Variants in ADGRE1 observed in about 807,000 individuals in gnomAD.
ADGRE1 encodes adhesion G protein-coupled receptor E1.
Under a neutral mutation model 102.7 loss-of-function variants are expected in ADGRE1, and 82 were observed. The ratio of observed to expected loss-of-function variants is 0.80; its 90% CI spans 0.67 to 0.96. ADGRE1 has a LOEUF of 0.96. Among genes scored for constraint, ADGRE1 ranks in the 40% least tolerant of loss-of-function variants. ADGRE1 has a pLI of 0.00. For synonymous variants in ADGRE1, 398 were observed against 399.6 expected, an observed-to-expected ratio of 1.00 and a Z score of 0.05; for missense variants, 1,032 against 1,085.3, an observed-to-expected ratio of 0.95 and a Z score of 0.69.
chr19:6,903,742 G>T lies in ADGRE1; in HGVS notation c.662-68G>T, dbSNP rs1025789317. 80 of 1,590,630 alleles carry T rather than the reference G, an allele frequency of 5.0e-5. No homozygotes were observed. In the African/African-American group the frequency reaches 6.8e-4, roughly 14 times the overall value. On this transcript the variant is annotated intron_variant, in intron 6 of 20. Coordinates refer to ENST00000312053, the MANE Select transcript of ADGRE1 (RefSeq NM_001974.5). ...CTAGTGAAACATGACTCCATATTTT[G>T]CAAAGGGAAGCATGATTTTGTTGGC...
Position 6,919,696 on chromosome 19 carries a change from G to C in ADGRE1, c.1569G>C (p.Glu523Asp). Residue 523 changes from glutamate (E) to aspartate (D), a missense_variant, in exon 13 of 21, where the codon GAG becomes GAC. Glu to Asp is a conservative substitution (Grantham distance 45). Transcript: ENST00000312053. ...SRVVGGIMTG[E>D]KKDGFSDPII... The stretch of plus-strand genomic sequence containing the variant: ...TCGTTGGGGGCATAATGACTGGAGA[G>C]AAGAAAGACGGCTTCTCAGATCCAA... 6.2e-7 allele frequency: 1 copy of C among 1,613,538 alleles called. No individual in the cohort carries two copies. The highest frequency in any genetic ancestry group is 1.3e-5 in the African/African-American group (1 of 74,886).
At chr19:6,898,396 G>C (rs2144897776) in intron 5 of ADGRE1, 1 of 1,602,144 alleles carries the variant, frequency 6.2e-7, no homozygotes, top group Non-Finnish European at 8.6e-7. Context: ...CAGCTGTTTA[G>C]ATGGTTTCTC....
chr19:6,938,263 A>T (rs1003162168), intron 20 of ADGRE1, among the ~76,000 whole-genome samples: 14 of 152,040 alleles, frequency 9.2e-5, no homozygotes, highest in Admixed American at 5.9e-4. Flanking sequence ...CTTGAACCCA[A>T]GAGGCGGAGG....
rs372283170 is a variant in ADGRE1, at chr19:6,896,383, T to G, written c.95-15T>G. On this transcript the variant is annotated splice_polypyrimidine_tract_variant and intron_variant, in intron 2 of 20. Transcript: ENST00000312053. ...GCTCTAATCTTGTCTAAACTTTTCT[T>G]TATACACTGCCTAGGTAATAACTGT... 5.0e-6 allele frequency: 8 copies of G among 1,612,502 alleles called. No individual in the cohort carries two copies. In the African/African-American group the frequency reaches 5.3e-5, roughly 11 times the overall value.
intron 13 of ADGRE1, among the ~76,000 whole-genome samples, chr19:6,921,459 A>G (rs1479982420): frequency 6.6e-6 from 1 of 152,190 alleles, no homozygotes; most frequent in Admixed American, 6.5e-5. Context: ...TGAATAAGTG[A>G]ATAATGAGTG....
rs781288267 is a variant in ADGRE1 at position 6,919,712 on chromosome 19, T to C, written c.1585T>C (p.Ser529Pro). The C allele has an allele frequency of 1.2e-6, 2 of 1,612,982 alleles. No homozygotes were observed. Among genetic ancestry groups the C allele is most frequent in the African/African-American group, 2.7e-5 (2 of 74,624 alleles). The change falls in exon 13 of 21, where the codon TCA (serine) becomes CCA (proline). Residue 529 changes from serine (S) to proline (P), a missense_variant. Physicochemically the swap from Ser to Pro is moderately conservative, Grantham distance 74. Coordinates refer to ENST00000312053, the MANE Select transcript of ADGRE1 (RefSeq NM_001974.5). ...IMTGEKKDGF[S>P]DPIIYTLENI... ...GACTGGAGAGAAGAAAGACGGCTTC[T>C]CAGATCCAATCATCTACACTCTGGA...
intron 11 of ADGRE1, among the ~76,000 whole-genome samples, chr19:6,915,600 A>G (rs1974343461): frequency 6.6e-6 from 1 of 152,008 alleles, no homozygotes; most frequent in Admixed American, 6.6e-5. Flanking sequence ...GCTTGCCCCA[A>G]TCCCTTACTA....
intron 17 of ADGRE1, among the ~76,000 whole-genome samples, chr19:6,929,121 G>T (rs971928513): frequency 6.6e-6 from 1 of 152,182 alleles, no homozygotes; most frequent in Admixed American, 6.6e-5. Context: ...CAGTGTCATT[G>T]TCTGGGGGTA....
At position 6,926,620 on chromosome 19, in the gene ADGRE1, C is replaced by G; in HGVS notation, c.2222+19C>G. On this transcript the variant is annotated intron_variant, in intron 16 of 20. Coordinates refer to ENST00000312053, the MANE Select transcript of ADGRE1 (RefSeq NM_001974.5). ...ATAATCGGTGAGTGACATCCTCTCTCTTCCTGAAGACCCTGCTGCCAGGGC... is the reference window on the plus strand; with the variant it reads ...ATAATCGGTGAGTGACATCCTCTCTGTTCCTGAAGACCCTGCTGCCAGGGC... 2 of 1,612,374 alleles carry G rather than the reference C, an allele frequency of 1.2e-6. No homozygotes were observed. The highest frequency in any genetic ancestry group is 1.1e-5 in the South Asian group (1 of 90,998).
intron 1 of ADGRE1, among the ~76,000 whole-genome samples, 172 bp from the exon 2 acceptor site, chr19:6,890,309 G>A (rs1369267304): frequency 6.6e-6 from 1 of 151,888 alleles, no homozygotes; most frequent in Admixed American, 6.6e-5. Flanking sequence ...TCATTGTTAA[G>A]CTTATGCAAA....
intron 12 of ADGRE1, among the ~76,000 whole-genome samples, chr19:6,919,009 G>A (rs1032419224): frequency 6.6e-6 from 1 of 151,854 alleles, no homozygotes; most frequent in African/African-American, 2.4e-5. Context: ...ACAGGCGTGA[G>A]CCACTCTGCC....
intron 8 of ADGRE1, among the ~76,000 whole-genome samples, chr19:6,904,497 C>A (rs1024041089): frequency 6.6e-6 from 1 of 151,130 alleles, no homozygotes; most frequent in South Asian, 2.1e-4. Context: ...TTAATTATAA[C>A]TATGAATGAA....
intron 10 of ADGRE1, 131 bp downstream of exon 10, chr19:6,908,903 T>A: frequency 2.7e-6 from 2 of 753,598 alleles, no homozygotes; most frequent in Non-Finnish European, 4.2e-6. Flanking sequence ...GGAGATTGAG[T>A]CAGATGAATC....
chr19:6,937,484 C>T (rs2145042747), intron 19 of ADGRE1, 60 bp from the exon 20 acceptor site: 1 of 1,601,140 alleles, frequency 6.2e-7, no homozygotes, highest in Non-Finnish European at 8.5e-7. Context: ...CATCCCTCCA[C>T]CCAACATCCC....
In ADGRE1 at chr19:6,924,688, C is replaced by A. The variant is rs754015513; in HGVS notation, c.1802C>A (p.Ser601Tyr). The part of the protein sequence containing the change: ...MASGELTMDF[S>Y]LYIISHVGII... Reference sequence around the variant, plus strand: ...ATTCCTTCCTGACAGATGGACTTTTCCTTGTACATCATTAGCCATGTAGGC... The same window carrying A: ...ATTCCTTCCTGACAGATGGACTTTTACTTGTACATCATTAGCCATGTAGGC... Residue 601 changes from serine (S) to tyrosine (Y), a missense_variant, in exon 15 of 21, where the codon TCC becomes TAC. Ser to Tyr is a moderately radical substitution (Grantham distance 144, BLOSUM62 -2). Transcript: ENST00000312053. The A allele has an allele frequency of 6.2e-7, 1 of 1,613,872 alleles. No individual in the cohort carries two copies. Among genetic ancestry groups the A allele is most frequent in the East Asian group, 2.2e-5 (1 of 44,876 alleles).
chr19:6,891,455 A>ATT (rs113589576), intron 2 of ADGRE1, among the ~76,000 whole-genome samples: 25 of 136,530 alleles, frequency 1.8e-4, no homozygotes, highest in African/African-American at 4.2e-4. Context: ...CATCTTTCAC[A>ATT]TTTTTTTTTT....
chr19:6,898,623 G>A (rs1973658443), intron 5 of ADGRE1: 1 of 1,448,728 alleles, frequency 6.9e-7, no homozygotes, highest in Non-Finnish European at 9.6e-7. Flanking sequence ...TCTGCCCTGA[G>A]CATTCTGACT....
At chr19:6,905,097 C>T (rs1001125477) in intron 8 of ADGRE1, among the ~76,000 whole-genome samples, 1 of 152,032 alleles carries the variant, frequency 6.6e-6, no homozygotes, top group Non-Finnish European at 1.5e-5. Context: ...ATAAACAGCA[C>T]TTTGGGAGGC....
At position 6,922,392 on chromosome 19, in the gene ADGRE1, G is replaced by A. The variant is rs150586109; in HGVS notation, c.1791+509G>A. Among the ~76,000 whole-genome samples the A allele has an allele frequency of 9.5e-3, 1,440 of 151,880 alleles. 22 individuals are homozygous for A. Among genetic ancestry groups the A allele is most frequent in the African/African-American group, 0.033 (1,377 of 41,422 alleles). ...GCACTTTGGGAGGCTGAGGCGGGCG[G>A]ATCATGAGGTCAAGAGATCGAGACC... On this transcript the variant is annotated intron_variant, in intron 14 of 20. Transcript: ENST00000312053.
Sources: allele counts gnomAD v4.1 joint callset (sites outside exome capture counted in the v4.1 genomes callset), GRCh38; gene constraint gnomAD v4.1.1; transcripts MANE v1.5; gene names NCBI Gene and HGNC (gene_info 2026-07-23, HGNC 2026-07-21).